The following PDE4D variants were observed in gnomAD, a reference collection of about 807,000 sequenced individuals.
PDE4D encodes phosphodiesterase 4D.
A neutral mutation model predicts 87.4 loss-of-function variants in PDE4D; 24 were observed. The ratio of observed to expected loss-of-function variants is 0.27; its 90% CI spans 0.20 to 0.39. The LOEUF is 0.39. PDE4D is among the 10% of genes least tolerant of loss of function. The pLI is 1.00. For missense variants in PDE4D, 714 were observed against 1,041.0 expected, an observed-to-expected ratio of 0.69 and a Z score of 4.32; for synonymous variants, 384 against 383.2, an observed-to-expected ratio of 1.00 and a Z score of -0.02.
rs80342572 is a variant in PDE4D at position 60,165,924 on chromosome 5, T to C, written c.42+19633A>G. On this transcript the variant is annotated intron_variant, in intron 2 of 16. Coordinates refer to the PDE4D transcript ENST00000502484. Reference sequence around the variant, plus strand: ...ACTACTGCTATTTTGTTCACTGTTTTCTAGTTGTTTTGTAGAGTCTTTGTT... The same window carrying C: ...ACTACTGCTATTTTGTTCACTGTTTCCTAGTTGTTTTGTAGAGTCTTTGTT... 8.1e-3 allele frequency among the ~76,000 whole-genome samples: 1,235 copies of C among 152,066 alleles called. 15 individuals carry two copies. Among genetic ancestry groups the C allele is most frequent in the African/African-American group, 0.028 (1,177 of 41,492 alleles).
rs575835843 is a variant in PDE4D, at chr5:60,318,341, A to C, written c.-89-132654T>G. On this transcript the variant is annotated intron_variant, in intron 1 of 16. Coordinates refer to the PDE4D transcript ENST00000502484. ...TTTTTGCTTTCCATTTGCTTGGTAG[A>C]TCTTCCTCCATCCCTTTATTTTGAG... Among the ~76,000 whole-genome samples, 79 of 152,156 alleles carry C rather than the reference A, an allele frequency of 5.2e-4. 1 individual carries two copies. In the East Asian group the frequency reaches 0.013, roughly 25 times the overall value.
intron 2 of PDE4D, among the ~76,000 whole-genome samples, chr5:59,204,087 A>G (rs536298944): frequency 4.6e-5 from 7 of 152,278 alleles, no homozygotes; most frequent in South Asian, 2.1e-4. Flanking sequence ...CACAATGTAT[A>G]CATATATCAA....
chr5:59,015,192 C>A (rs184532371), intron 6 of PDE4D, among the ~76,000 whole-genome samples: 180 of 152,250 alleles, frequency 1.2e-3, no homozygotes, highest in African/African-American at 4.1e-3. Flanking sequence ...CTAAGCAATA[C>A]CATTCAGGAC....
intron 1 of PDE4D, among the ~76,000 whole-genome samples, chr5:59,507,664 C>CAAAAAA (rs1284106865): frequency 1.3e-3 from 106 of 79,716 alleles, no homozygotes; most frequent in African/African-American, 4.4e-3. Flanking sequence ...TACCCTGTCT[C>CAAAAAA]AAAAAAAAAA....
intron 3 of PDE4D, among the ~76,000 whole-genome samples, chr5:59,969,933 C>T (rs561931880): frequency 6.6e-6 from 1 of 152,294 alleles, no homozygotes; most frequent in South Asian, 2.1e-4. Context: ...AAATACACTT[C>T]TCAAGTACTT....
intron 1 of PDE4D, among the ~76,000 whole-genome samples, chr5:59,229,143 AT>A (rs543022644): frequency 2.0e-5 from 3 of 151,826 alleles, no homozygotes; most frequent in Middle Eastern, 3.4e-3. Flanking sequence ...AAGTGCAGAG[AT>A]TTTTTTTTAA....
In PDE4D at chr5:59,893,389, C is replaced by T. The variant is rs1381024324; in HGVS notation, c.234G>A (p.Pro78=). Residue 78 remains proline, a synonymous_variant, in exon 1 of 15, where the codon CCG becomes CCA. Coordinates refer to ENST00000340635, the MANE Select transcript of PDE4D (RefSeq NM_001104631.2). ...QPQCPLQPPP[P]PPLPPPPPPP... is the part of the protein sequence containing the mutation. ...GCGGCGGGGGCGGCGGCAGGGGGGG[C>T]GGCGGCGGCGGCTGTAGCGGACACT... 5.1e-6 allele frequency: 6 copies of T among 1,181,852 alleles called. No homozygotes were observed. Among genetic ancestry groups the T allele is most frequent in the Non-Finnish European group, 6.4e-6 (6 of 939,926 alleles). The allele number at this position is 1,181,852 out of a possible 1,614,324, so 73.2% of individuals were successfully genotyped here. A position where few individuals can be genotyped will look rare whatever the true frequency, so the allele number is the denominator to read the frequency against.
At chr5:60,251,092 A>C (rs1470146552) in intron 1 of PDE4D, among the ~76,000 whole-genome samples, 1 of 152,022 alleles carries the variant, frequency 6.6e-6, no homozygotes, top group African/African-American at 2.4e-5. Flanking sequence ...AGAGAAAGGA[A>C]AGAGAAAGGA....
intron 1 of PDE4D, among the ~76,000 whole-genome samples, chr5:59,478,692 A>G (rs1407900109): frequency 4.6e-5 from 7 of 152,106 alleles, no homozygotes; most frequent in African/African-American, 1.4e-4. Flanking sequence ...ACCAATTTCA[A>G]TTAAAATCTA....
intron 1 of PDE4D, among the ~76,000 whole-genome samples, chr5:59,560,250 T>TA (rs2153691296): frequency 6.6e-6 from 1 of 152,342 alleles, no homozygotes; most frequent in South Asian, 2.1e-4. Context: ...TTCCTAGTGA[T>TA]AAAACTGTAG....
At chr5:59,394,906 T>C (rs2547920) in intron 1 of PDE4D, among the ~76,000 whole-genome samples, 30,771 of 151,974 alleles carry the variant, frequency 0.2, 3,440 homozygotes, top group African/African-American at 0.28. Context: ...GGGCGAGGCA[T>C]TGCCTCACTC....
chr5:59,088,233 A>G (rs1383071822), intron 5 of PDE4D, among the ~76,000 whole-genome samples: 1 of 152,170 alleles, frequency 6.6e-6, no homozygotes, highest in Non-Finnish European at 1.5e-5. Flanking sequence ...AAAACACTTT[A>G]TTATTGTGCC....
chr5:59,271,236 G>A (rs924508163), intron 1 of PDE4D, among the ~76,000 whole-genome samples: 1 of 152,024 alleles, frequency 6.6e-6, no homozygotes, highest in East Asian at 1.9e-4. Context: ...ACAGGGTTGC[G>A]CCATTTTGGC....
intron 1 of PDE4D, among the ~76,000 whole-genome samples, chr5:59,874,145 G>A (rs1054793799): frequency 4.6e-5 from 7 of 152,158 alleles, no homozygotes; most frequent in Non-Finnish European, 1.0e-4. Context: ...CAAAGTAGCA[G>A]TGAGCCATAA....
chr5:60,069,668 T>A (rs1772500433), intron 2 of PDE4D, among the ~76,000 whole-genome samples: 1 of 152,130 alleles, frequency 6.6e-6, no homozygotes, highest in Non-Finnish European at 1.5e-5. Context: ...GGTTATTTCT[T>A]GACTCATGGC....
intron 3 of PDE4D, among the ~76,000 whole-genome samples, chr5:59,946,783 G>A (rs1011754110): frequency 2.6e-5 from 4 of 152,136 alleles, no homozygotes; most frequent in African/African-American, 9.7e-5. Flanking sequence ...ACGCATATTA[G>A]GAGTTATTTA....
intron 1 of PDE4D, among the ~76,000 whole-genome samples, chr5:60,481,015 G>C (rs1281071925): frequency 2.0e-5 from 3 of 152,166 alleles, no homozygotes; most frequent in Admixed American, 1.3e-4. Context: ...AGTCTAATCA[G>C]ATAAATATGA....
intron 2 of PDE4D, among the ~76,000 whole-genome samples, chr5:60,105,258 A>G (rs1776750664): frequency 6.6e-6 from 1 of 152,238 alleles, no homozygotes; most frequent in Non-Finnish European, 1.5e-5. Flanking sequence ...AAGAAAGGGT[A>G]TCAGTGATGG....
At chr5:59,455,142 G>A (rs529817912) in intron 1 of PDE4D, among the ~76,000 whole-genome samples, 20 of 152,314 alleles carry the variant, frequency 1.3e-4, no homozygotes, top group African/African-American at 4.8e-4. Flanking sequence ...AAGTAACGGG[G>A]AACCAATTGT....
Sources: allele counts gnomAD v4.1 joint callset (sites outside exome capture counted in the v4.1 genomes callset), GRCh38; gene constraint gnomAD v4.1.1; transcripts MANE v1.5; gene names NCBI Gene and HGNC (gene_info 2026-07-23, HGNC 2026-07-21).